FHIT: variants seen among roughly 807,000 people sequenced by gnomAD.
FHIT encodes the protein bis(5'-adenosyl)-triphosphatase.
In FHIT, 19 loss-of-function variants were observed where a neutral mutation model predicts 17.9. The ratio of observed to expected loss-of-function variants is 1.06; its 90% CI spans 0.74 to 1.56. The LOEUF (loss-of-function observed/expected upper bound fraction) is 1.56, where lower values mean the gene tolerates loss of function less well. Among genes scored for constraint, FHIT ranks in the 40% most tolerant of loss-of-function variants. The pLI is 0.00. For synonymous variants in FHIT, 81 were observed against 69.7 expected, an observed-to-expected ratio of 1.16 and a Z score of -0.81; for missense variants, 248 against 189.2, an observed-to-expected ratio of 1.31 and a Z score of -1.82.
At chr3:59,767,279 A>G (rs1034872310) in intron 8 of FHIT, among the ~76,000 whole-genome samples, 15 of 152,146 alleles carry the variant, frequency 9.9e-5, no homozygotes, top group African/African-American at 3.6e-4. Context: ...CAGGTGGATC[A>G]CCTGAGGTCA....
intron 5 of FHIT, among the ~76,000 whole-genome samples, chr3:60,264,409 C>G (rs1040338107): frequency 6.6e-6 from 1 of 151,746 alleles, no homozygotes; most frequent in Non-Finnish European, 1.5e-5. Context: ...GCTAGAAAAG[C>G]TAAAGCTTAA....
At chr3:60,018,690 T>C (rs1030082774) in intron 5 of FHIT, among the ~76,000 whole-genome samples, 2 of 152,074 alleles carry the variant, frequency 1.3e-5, no homozygotes, top group Non-Finnish European at 2.9e-5. Flanking sequence ...TAAAACAACA[T>C]TGATCGGCCG....
At position 60,068,793 on chromosome 3, in the gene FHIT, C is replaced by T. The variant is rs548600356; in HGVS notation, c.104-54641G>A. ...TTAAGTAAAACAGGCAAAGAAGAAA[C>T]AAGGCAATGATTGAATAGAAATGCT... is the stretch of plus-strand genomic sequence containing the variant. On this transcript the variant is annotated intron_variant, in intron 5 of 9. Coordinates refer to ENST00000492590, the MANE Select transcript of FHIT (RefSeq NM_002012.4). Among the ~76,000 whole-genome samples the T allele has an allele frequency of 6.6e-5, 10 of 152,098 alleles. No homozygotes were observed. The South Asian group carries it at 1.2e-3, about 19-fold the overall frequency.
chr3:59,755,258 C>T (rs147778357), intron 8 of FHIT, among the ~76,000 whole-genome samples: 13 of 152,160 alleles, frequency 8.5e-5, no homozygotes, highest in Admixed American at 7.9e-4. Flanking sequence ...CACTAACATG[C>T]GGATGCAGTT....
chr3:60,018,180 T>G (rs1700417144), intron 5 of FHIT, among the ~76,000 whole-genome samples: 1 of 152,058 alleles, frequency 6.6e-6, no homozygotes, highest in Non-Finnish European at 1.5e-5. Context: ...GATCATATGG[T>G]GAGAAAGGAG....
chr3:59,863,688 C>A (rs1429024546), intron 8 of FHIT, among the ~76,000 whole-genome samples: 1 of 152,170 alleles, frequency 6.6e-6, no homozygotes, highest in African/African-American at 2.4e-5. Flanking sequence ...ATCCAGCAGG[C>A]AAAATGGATT....
chr3:60,645,786 T>G (rs2039842177), intron 4 of FHIT, among the ~76,000 whole-genome samples: 1 of 152,184 alleles, frequency 6.6e-6, no homozygotes, highest in Admixed American at 6.5e-5. Flanking sequence ...CTTCAAATAG[T>G]TAACGCTATA....
chr3:60,087,070 C>CGTAA (rs1478422232), intron 5 of FHIT, among the ~76,000 whole-genome samples: 2 of 152,204 alleles, frequency 1.3e-5, no homozygotes, highest in Non-Finnish European at 2.9e-5. Context: ...TGCCTGCAGA[C>CGTAA]GTAACGTCAT....
intron 8 of FHIT, among the ~76,000 whole-genome samples, chr3:59,841,086 G>T (rs1267607577): frequency 6.6e-6 from 1 of 152,120 alleles, no homozygotes; most frequent in Non-Finnish European, 1.5e-5. Flanking sequence ...ACCTCTGAAG[G>T]TCAAGTTGGC....
intron 3 of FHIT, among the ~76,000 whole-genome samples, chr3:60,851,270 C>T (rs1272738242): frequency 6.6e-6 from 1 of 152,118 alleles, no homozygotes; most frequent in Non-Finnish European, 1.5e-5. Context: ...TACAGATTCT[C>T]AGGAGGTCCA....
intron 4 of FHIT, among the ~76,000 whole-genome samples, chr3:60,701,076 A>C (rs1317189463): frequency 1.7e-4 from 26 of 151,370 alleles, no homozygotes; most frequent in African/African-American, 6.3e-4. Context: ...TTTTCATAGC[A>C]TCTTTTATTA....
chr3:60,516,272 T>C (rs894983205), intron 5 of FHIT, among the ~76,000 whole-genome samples: 1 of 152,216 alleles, frequency 6.6e-6, no homozygotes, highest in East Asian at 1.9e-4. Context: ...TGTAATATTT[T>C]AATAATATTT....
chr3:59,791,671 C>A (rs1246452537), intron 8 of FHIT, among the ~76,000 whole-genome samples: 1 of 152,012 alleles, frequency 6.6e-6, no homozygotes, highest in East Asian at 1.9e-4. Flanking sequence ...TTTCTGTATT[C>A]CCAATGCTGA....
intron 1 of FHIT, among the ~76,000 whole-genome samples, chr3:61,202,468 C>G (rs1423714722): frequency 2.0e-5 from 3 of 151,432 alleles, no homozygotes; most frequent in Non-Finnish European, 4.4e-5. Context: ...TTCTGTTCTT[C>G]CCCAAGTTTG....
intron 5 of FHIT, among the ~76,000 whole-genome samples, chr3:60,214,658 T>C (rs1031446741): frequency 1.3e-5 from 2 of 152,154 alleles, no homozygotes; most frequent in Admixed American, 1.3e-4. Flanking sequence ...GCAATCCCAC[T>C]ACTGGGTATA....
intron 5 of FHIT, among the ~76,000 whole-genome samples, chr3:60,318,131 C>T (rs1340003894): frequency 2.0e-5 from 3 of 152,034 alleles, no homozygotes; most frequent in Non-Finnish European, 4.4e-5. Flanking sequence ...AACAAAAAAC[C>T]CTGAACACAT....
intron 4 of FHIT, among the ~76,000 whole-genome samples, chr3:60,720,898 A>T (rs17627239): frequency 0.13 from 19,305 of 152,188 alleles, 1,526 homozygotes; most frequent in Non-Finnish European, 0.17. Flanking sequence ...CAGCAGCCAG[A>T]TGGTGGAAAC....
intron 3 of FHIT, among the ~76,000 whole-genome samples, chr3:60,975,272 G>A (rs944674454): frequency 6.6e-6 from 1 of 152,252 alleles, no homozygotes; most frequent in African/African-American, 2.4e-5. Context: ...TCTCTGGAGA[G>A]GCATCTAATG....
chr3:60,768,361 A>G (rs1699922134), intron 4 of FHIT, among the ~76,000 whole-genome samples: 1 of 152,210 alleles, frequency 6.6e-6, no homozygotes, highest in Admixed American at 6.5e-5. Flanking sequence ...ATGTGAATGT[A>G]GACTAGAAGG....
Sources: allele counts gnomAD v4.1 joint callset (sites outside exome capture counted in the v4.1 genomes callset), GRCh38; gene constraint gnomAD v4.1.1; transcripts MANE v1.5; gene names NCBI Gene and HGNC (gene_info 2026-07-23, HGNC 2026-07-21).